MSI2: variants seen among roughly 807,000 people sequenced by gnomAD.
The protein encoded by MSI2 is musashi RNA binding protein 2.
MSI2 carries 17 observed loss-of-function variants against 45.6 expected under a neutral mutation model. That is an observed-to-expected ratio of 0.37 (90% CI 0.26 to 0.56). The LOEUF (loss-of-function observed/expected upper bound fraction) is 0.56, where lower values mean the gene tolerates loss of function less well. MSI2 is among the 20% of genes least tolerant of loss of function. MSI2 has a pLI of 0.77. For missense variants in MSI2, 293 were observed against 444.2 expected, an observed-to-expected ratio of 0.66 and a Z score of 3.06; for synonymous variants, 156 against 158.2, an observed-to-expected ratio of 0.99 and a Z score of 0.11.
chr17:57,607,877 A>G (rs1367317021), intron 8 of MSI2, among the ~76,000 whole-genome samples: 1 of 152,210 alleles, frequency 6.6e-6, no homozygotes, highest in East Asian at 1.9e-4. Context: ...GAGGTGCCAC[A>G]CATTTTTAAG....
chr17:57,543,789 T>G (rs1471043890), intron 7 of MSI2, among the ~76,000 whole-genome samples: 1 of 152,252 alleles, frequency 6.6e-6, no homozygotes, highest in Non-Finnish European at 1.5e-5. Flanking sequence ...AGAAGCTTTG[T>G]ATTTTGCCCA....
intron 6 of MSI2, among the ~76,000 whole-genome samples, chr17:57,443,882 C>T (rs566014781): frequency 5.9e-5 from 9 of 152,332 alleles, no homozygotes; most frequent in African/African-American, 1.4e-4. Flanking sequence ...GCAGATGCCA[C>T]TTTGCTTTCT....
Position 57,374,710 on chromosome 17 carries a change from C to G in MSI2, c.313-26669C>G, listed in dbSNP as rs182272029. ...AGGAGAATTGCTTGAACCCAGGAGG[C>G]AGAGGTTGCAGTAAGTCGAGATTAT... On this transcript the variant is annotated intron_variant, in intron 5 of 13. Coordinates refer to ENST00000284073, the MANE Select transcript of MSI2 (RefSeq NM_138962.4). 2.6e-5 allele frequency among the ~76,000 whole-genome samples: 4 copies of G among 152,294 alleles called. No individual in the cohort carries two copies. The East Asian group carries it at 7.7e-4, about 29-fold the overall frequency.
At chr17:57,595,958 G>A (rs1905211638) in intron 7 of MSI2, among the ~76,000 whole-genome samples, 1 of 152,222 alleles carries the variant, frequency 6.6e-6, no homozygotes, top group Non-Finnish European at 1.5e-5. Context: ...CCCCATCAGT[G>A]TGTCTGCCCC....
chr17:57,645,794 G>T (rs990718324), intron 10 of MSI2, among the ~76,000 whole-genome samples: 2 of 152,122 alleles, frequency 1.3e-5, no homozygotes, highest in African/African-American at 4.8e-5. Flanking sequence ...AATCGCAGGG[G>T]TGGGACCCAA....
rs529709397 is a variant in MSI2, at chr17:57,584,584, T to G, written c.455-12284T>G. Among the ~76,000 whole-genome samples the G allele has an allele frequency of 7.2e-5, 11 of 152,322 alleles. No individual in the cohort carries two copies. In the South Asian group the frequency reaches 2.3e-3, roughly 32 times the overall value. On this transcript the variant is annotated intron_variant, in intron 7 of 13. Transcript: ENST00000284073. The stretch of plus-strand genomic sequence containing the variant: ...AAAGTCATATAATTTGTGGCAGCGC[T>G]GAAAACCTGCTCCAAGTAGTGGTTT...
intron 5 of MSI2, among the ~76,000 whole-genome samples, chr17:57,368,420 G>A (rs1338737577): frequency 6.6e-6 from 1 of 152,120 alleles, no homozygotes; most frequent in African/African-American, 2.4e-5. Flanking sequence ...GCTGGTCATG[G>A]TGGTGGGCGC....
intron 6 of MSI2, among the ~76,000 whole-genome samples, chr17:57,412,359 A>G (rs1865266037): frequency 6.6e-6 from 1 of 152,138 alleles, no homozygotes; most frequent in Admixed American, 6.5e-5. Context: ...AATATTTTAT[A>G]TTAGAACAAA....
At chr17:57,281,132 TG>T (rs1260781182) in intron 5 of MSI2, among the ~76,000 whole-genome samples, 1 of 152,014 alleles carries the variant, frequency 6.6e-6, no homozygotes, top group African/African-American at 2.4e-5. Context: ...GAGGGCTTAT[TG>T]GTGTTTGATG....
At chr17:57,395,362 G>C (rs2083869854) in intron 5 of MSI2, among the ~76,000 whole-genome samples, 1 of 152,200 alleles carries the variant, frequency 6.6e-6, no homozygotes, top group Non-Finnish European at 1.5e-5. Flanking sequence ...TGTGATCCTA[G>C]AAACAGTTGG....
At chr17:57,508,959 A>G (rs1198402317) in intron 6 of MSI2, among the ~76,000 whole-genome samples, 1 of 152,210 alleles carries the variant, frequency 6.6e-6, no homozygotes, top group Non-Finnish European at 1.5e-5. Flanking sequence ...TCTTCGATGA[A>G]AAATGGTTTC....
At chr17:57,350,225 G>GGTGTGTGTGTGTGTGTGT (rs58596259) in intron 5 of MSI2, among the ~76,000 whole-genome samples, 108 of 146,746 alleles carry the variant, frequency 7.4e-4, no homozygotes, top group African/African-American at 2.5e-3. Flanking sequence ...CAGAGGTAGG[G>GGTGTGTGTGTGTGTGTGT]GTGTGTGTGT....
intron 5 of MSI2, among the ~76,000 whole-genome samples, chr17:57,391,158 C>T (rs1214305994): frequency 1.3e-5 from 2 of 152,166 alleles, no homozygotes; most frequent in Non-Finnish European, 2.9e-5. Context: ...TTCTTTTACC[C>T]TGAGCACAGC....
intron 6 of MSI2, among the ~76,000 whole-genome samples, chr17:57,469,687 G>C (rs1031383727): frequency 6.6e-6 from 1 of 152,230 alleles, no homozygotes; most frequent in Non-Finnish European, 1.5e-5. Flanking sequence ...TGAGAGACTA[G>C]AGCTAAAGTG....
At chr17:57,663,218 T>A (rs1912124775) in intron 11 of MSI2, among the ~76,000 whole-genome samples, 1 of 152,148 alleles carries the variant, frequency 6.6e-6, no homozygotes, top group East Asian at 1.9e-4. Context: ...TCTTGGCCAA[T>A]CATCCTGCAG....
chr17:57,509,085 T>C (rs912025842), intron 6 of MSI2, among the ~76,000 whole-genome samples: 1 of 152,186 alleles, frequency 6.6e-6, no homozygotes, highest in East Asian at 1.9e-4. Flanking sequence ...TGGGGCAAAG[T>C]GCTGCTTCTC....
At position 57,682,050 on chromosome 17, in the gene MSI2, C is replaced by A; in HGVS notation, c.*2533C>A. On this transcript the variant is annotated 3_prime_UTR_variant, in exon 14 of 14. Transcript: ENST00000284073. Reference sequence around the variant, plus strand: ...TGGTACTAGTGTAGCGACTTTTTTTCTCCTCTTTCTTCTAGTACATATTGA... The same window carrying A: ...TGGTACTAGTGTAGCGACTTTTTTTATCCTCTTTCTTCTAGTACATATTGA... 4.9e-6 allele frequency: 1 copy of A among 205,560 alleles called. No individual in the cohort carries two copies. Among genetic ancestry groups the A allele is most frequent in the Non-Finnish European group, 9.9e-6 (1 of 100,830 alleles). The allele number at this position is 205,560 out of a possible 1,614,324, so 12.7% of individuals were successfully genotyped here.
chr17:57,409,522 C>T (rs1598230258), intron 6 of MSI2, among the ~76,000 whole-genome samples: 3 of 152,200 alleles, frequency 2.0e-5, no homozygotes, highest in East Asian at 3.8e-4. Flanking sequence ...CTTCCTAAGT[C>T]GAGTTACTGG....
chr17:57,644,889 A>G (rs1910534295), intron 10 of MSI2, among the ~76,000 whole-genome samples: 1 of 152,156 alleles, frequency 6.6e-6, no homozygotes, highest in African/African-American at 2.4e-5. Flanking sequence ...AGAGGCACAG[A>G]GGGGCCACTG....
Sources: allele counts gnomAD v4.1 joint callset (sites outside exome capture counted in the v4.1 genomes callset), GRCh38; gene constraint gnomAD v4.1.1; transcripts MANE v1.5; gene names NCBI Gene and HGNC (gene_info 2026-07-23, HGNC 2026-07-21).